The following MICU2 variants were observed in gnomAD, a reference collection of about 807,000 sequenced individuals.
MICU2 encodes calcium uptake protein 2, mitochondrial.
Under a neutral mutation model 60.4 loss-of-function variants are expected in MICU2, and 64 were observed. The ratio of observed to expected loss-of-function variants is 1.06; its 90% confidence interval spans 0.87 to 1.31. The LOEUF is 1.31. Ranked by LOEUF, MICU2 falls within the 50% of genes most tolerant of loss-of-function variation. MICU2 has a pLI of 0.00. For synonymous variants in MICU2, 201 were observed against 175.0 expected (o/e 1.15, Z -1.17); for missense variants, 569 against 531.0 (o/e 1.07, Z -0.70).
intron 4 of MICU2, among the ~76,000 whole-genome samples, chr13:21,538,262 G>A (rs748518816): frequency 5.3e-5 from 8 of 151,418 alleles, no homozygotes; most frequent in Admixed American, 1.3e-4. Flanking sequence ...TCAACCAACC[G>A]TGTATCAAAA....
chr13:21,601,342 A>G (rs901102164), intron 1 of MICU2, among the ~76,000 whole-genome samples: 6 of 152,122 alleles, frequency 3.9e-5, no homozygotes, highest in African/African-American at 1.2e-4. Flanking sequence ...GGTCCTCTCA[A>G]TCCTTCCTGT....
intron 2 of MICU2, among the ~76,000 whole-genome samples, chr13:21,551,041 A>G (rs1166393535): frequency 6.6e-6 from 1 of 152,200 alleles, no homozygotes; most frequent in Non-Finnish European, 1.5e-5. Context: ...TGAATCTACG[A>G]CATTTTCACT....
intron 1 of MICU2, among the ~76,000 whole-genome samples, chr13:21,591,783 T>C (rs1370171958): frequency 1.3e-5 from 2 of 151,984 alleles, no homozygotes; most frequent in African/African-American, 2.4e-5. Flanking sequence ...CCTGGGTAAA[T>C]AAAGAAATTA....
At chr13:21,508,462 TTC>T (rs1014273787) in intron 8 of MICU2, among the ~76,000 whole-genome samples, 2 of 152,176 alleles carry the variant, frequency 1.3e-5, no homozygotes, top group Non-Finnish European at 2.9e-5. Flanking sequence ...CTGAATGGTC[TTC>T]TCTCTCATAA....
At chr13:21,504,504 A>C (rs1415251589) in intron 8 of MICU2, among the ~76,000 whole-genome samples, 2 of 152,234 alleles carry the variant, frequency 1.3e-5, no homozygotes, top group Admixed American at 6.5e-5. Context: ...CTTTTAATGA[A>C]TATAAATCAA....
intron 9 of MICU2, among the ~76,000 whole-genome samples, chr13:21,500,697 G>A (rs902112116): frequency 6.6e-6 from 1 of 152,068 alleles, no homozygotes; most frequent in Non-Finnish European, 1.5e-5. Context: ...GGGATTACAG[G>A]AATGAGCCAC....
At chr13:21,551,213 T>A (rs184127087) in intron 2 of MICU2, 2 of 152,662 alleles carry the variant, frequency 1.3e-5, no homozygotes, top group Non-Finnish European at 2.9e-5. Flanking sequence ...TCTCTGCCTA[T>A]TCCATACCAG....
In MICU2 at chr13:21,553,332, G is replaced by A. The variant is rs145679673; in HGVS notation, c.358+13465C>T. On this transcript the variant is annotated intron_variant, in intron 2 of 11. Transcript: ENST00000382374. ...TCAGCTTAAGGAGATTTTGGGCTGA[G>A]ACGATGGGGTTTTCCAGATATACAA... Among the ~76,000 whole-genome samples, 15 of 152,272 alleles carry A rather than the reference G, an allele frequency of 9.9e-5. No homozygotes were observed. The East Asian group carries it at 2.9e-3, about 29-fold the overall frequency.
Position 21,510,001 on chromosome 13 carries a change from T to C in MICU2, c.761+3A>G, listed in dbSNP as rs778442521. On this transcript the variant is annotated splice_donor_region_variant and intron_variant, in intron 8 of 11. Coordinates refer to ENST00000382374, the MANE Select transcript of MICU2 (RefSeq NM_152726.3). ...CTAAATGAATGTAAATATTTGCATT[T>C]ACCTTCGAAATTCTTTATAATGAAG... 6.6e-7 allele frequency: 1 copy of C among 1,507,102 alleles called. No homozygotes were observed. The highest frequency in any genetic ancestry group is 8.9e-7 in the Non-Finnish European group (1 of 1,122,532). The allele number at this position is 1,507,102 out of a possible 1,614,324, so 93.4% of individuals were successfully genotyped here.
At chr13:21,545,336 A>C (rs769778647) in intron 2 of MICU2, among the ~76,000 whole-genome samples, 1 of 152,236 alleles carries the variant, frequency 6.6e-6, no homozygotes, top group Non-Finnish European at 1.5e-5. Flanking sequence ...AATCAAGCCA[A>C]GAACCAAAAG....
At chr13:21,567,561 A>G (rs1888015309) in intron 1 of MICU2, among the ~76,000 whole-genome samples, 1 of 152,234 alleles carries the variant, frequency 6.6e-6, no homozygotes, top group East Asian at 1.9e-4. Flanking sequence ...GCTTTCAGAA[A>G]TGTGAGAGAA....
chr13:21,495,082 CTG>C, intron 11 of MICU2, 77 bp downstream of exon 11: 1 of 1,101,664 alleles, frequency 9.1e-7, no homozygotes, highest in South Asian at 2.3e-5. Flanking sequence ...CATTTAAAGA[CTG>C]TACAATTGCC....
At chr13:21,498,104 TTC>T (rs1886047320) in intron 9 of MICU2, among the ~76,000 whole-genome samples, 1 of 152,170 alleles carries the variant, frequency 6.6e-6, no homozygotes, top group Non-Finnish European at 1.5e-5. Context: ...AAAAAAAAGT[TTC>T]TCTTTGTAGG....
chr13:21,600,851 C>T (rs1888797069), intron 1 of MICU2, among the ~76,000 whole-genome samples: 1 of 152,196 alleles, frequency 6.6e-6, no homozygotes, highest in African/African-American at 2.4e-5. Flanking sequence ...GGCTGGACTG[C>T]AGTGGCAGGA....
chr13:21,580,997 A>G (rs953702091), intron 1 of MICU2, among the ~76,000 whole-genome samples: 8 of 152,358 alleles, frequency 5.3e-5, no homozygotes, highest in Non-Finnish European at 1.2e-4. Flanking sequence ...ACTAGTGAAG[A>G]GCAAGAGGCA....
intron 1 of MICU2, among the ~76,000 whole-genome samples, chr13:21,573,335 G>A (rs1342290013): frequency 6.6e-6 from 1 of 151,904 alleles, no homozygotes; most frequent in East Asian, 1.9e-4. Flanking sequence ...GTGCAGTGGC[G>A]CCATCTCGGC....
chr13:21,601,827 C>A (rs998854067), intron 1 of MICU2, among the ~76,000 whole-genome samples: 1 of 152,030 alleles, frequency 6.6e-6, no homozygotes, highest in Admixed American at 6.5e-5. Flanking sequence ...GCATTTTGGC[C>A]GGGCGCTGTG....
chr13:21,505,095 C>T (rs1245561466), intron 8 of MICU2, among the ~76,000 whole-genome samples: 1 of 152,136 alleles, frequency 6.6e-6, no homozygotes, highest in Non-Finnish European at 1.5e-5. Flanking sequence ...ATTTTCTTCC[C>T]TCTAACCATT....
intron 4 of MICU2, chr13:21,531,166 G>C (rs184128812): frequency 1.1e-6 from 1 of 927,004 alleles, no homozygotes; most frequent in East Asian, 2.4e-5. Flanking sequence ...GAAAACCACT[G>C]TGACAAAAAG....
Sources: gnomAD v4.1 joint callset for allele counts (sites outside exome capture counted in the v4.1 genomes callset) on GRCh38, gnomAD v4.1.1 for gene constraint, MANE v1.5 for transcripts, NCBI Gene and HGNC (gene_info 2026-07-23, HGNC 2026-07-21) for gene names.